IFIT5: variants seen among roughly 807,000 people sequenced by gnomAD.
IFIT5 encodes interferon induced protein with tetratricopeptide repeats 5.
IFIT5 carries 2 observed loss-of-function variants against 5.0 expected under a neutral mutation model. That is an observed-to-expected ratio of 0.40 (90% CI 0.16 to 1.26). The LOEUF (loss-of-function observed/expected upper bound fraction) is 1.26. Ranked by LOEUF, IFIT5 falls within the 50% of genes most tolerant of loss-of-function variation. The pLI, the probability that IFIT5 is intolerant of heterozygous loss-of-function variation, is 0.33. For missense variants in IFIT5, 524 were observed against 563.2 expected (o/e 0.93, Z 0.70); for synonymous variants, 206 against 204.6 (o/e 1.01, Z -0.06).
Position 89,417,802 on chromosome 10 carries a change from G to A in IFIT5, c.603G>A (p.Leu201=). 2 of 1,614,154 alleles carry A rather than the reference G, an allele frequency of 1.2e-6. No individual in the cohort carries two copies. The highest frequency in any genetic ancestry group is 1.7e-6 in the Non-Finnish European group (2 of 1,180,022). The part of the protein sequence containing the change: ...DREGSVKSFS[L]GPLRKAVTLN... ...AAGGGTCTGTAAAGAGCTTTTCTCT[G>A]GGGCCTTTGAGAAAGGCTGTTACCC... Residue 201 remains leucine (L), a synonymous_variant, in exon 2 of 2, where the codon CTG becomes CTA. Coordinates refer to ENST00000371795, the MANE Select transcript of IFIT5 (RefSeq NM_012420.3).
In IFIT5 at chr10:89,417,595, C is replaced by A. The variant is rs1476704185; in HGVS notation, c.396C>A (p.Asn132Lys). ...GTAAGAAATTGTCCAGTCCTTCTAA[C>A]TACAAGTTGGAGTGTCCTGAGACTG... ...NVCKKLSSPS[N>K]YKLECPETDC... is the part of the protein sequence containing the mutation. Residue 132 changes from asparagine to lysine, a missense_variant, in exon 2 of 2, where the codon AAC becomes AAA. Asn to Lys is a moderately conservative substitution (Grantham distance 94). Transcript: ENST00000371795. 1.9e-6 allele frequency: 3 copies of A among 1,614,208 alleles called. No homozygotes were observed. Among genetic ancestry groups the A allele is most frequent in the Non-Finnish European group, 1.7e-6 (2 of 1,180,034 alleles).
chr10:89,415,839 T>A (rs1306657647), intron 1 of IFIT5, among the ~76,000 whole-genome samples: 1 of 152,236 alleles, frequency 6.6e-6, no homozygotes, highest in Non-Finnish European at 1.5e-5. Flanking sequence ...TCCTATCAGT[T>A]GACTGCTTAG....
At position 89,417,409 on chromosome 10, in the gene IFIT5, C is replaced by T. The variant is rs764657487; in HGVS notation, c.210C>T (p.Ala70=). The stretch of plus-strand genomic sequence containing the variant: ...ACCTAAAAGGCCAAAATAAAGACGC[C>T]CTTGAGTGCTTGGAACAAGCAGAAG... ...VKHLKGQNKD[A]LECLEQAEEI... is the part of the protein sequence containing the mutation. The change falls in exon 2 of 2, where the codon GCC becomes GCT. Residue 70 remains alanine, a synonymous_variant. Transcript: ENST00000371795. 8 of 1,614,042 alleles carry T rather than the reference C, an allele frequency of 5.0e-6. No homozygotes were observed. The Admixed American group carries it at 1.3e-4, about 27-fold the overall frequency.
rs200412053 is a variant in IFIT5, at chr10:89,418,432, C to T, written c.1233C>T (p.Pro411=). 1.4e-5 allele frequency: 22 copies of T among 1,614,174 alleles called. No homozygotes were observed. The East Asian group carries it at 4.7e-4, about 34-fold the overall frequency. ...LEALKVKDRS[P]LRTKLTSALK... ...CCTTAAAGGTCAAAGACAGATCACC[C>T]CTTCGCACCAAACTGACAAGTGCTC... The change falls in exon 2 of 2, where the codon CCC becomes CCT. Residue 411 remains proline (P), a synonymous_variant. Transcript: ENST00000371795.
Position 89,418,653 on chromosome 10 carries a change from A to G in IFIT5, c.*5A>G, listed in dbSNP as rs1841569456. 1 of 1,595,428 alleles carries G rather than the reference A, an allele frequency of 6.3e-7. No homozygotes were observed. Among genetic ancestry groups the G allele is most frequent in the Admixed American group, 1.8e-5 (1 of 56,120 alleles). Reference sequence around the variant, plus strand: ...GAGCTCCGACTTTCCATTTAAATACATACTCTAGGAAATTAGCTCTAAGTT... The same window carrying G: ...GAGCTCCGACTTTCCATTTAAATACGTACTCTAGGAAATTAGCTCTAAGTT... On this transcript the variant is annotated 3_prime_UTR_variant, in exon 2 of 2. Transcript: ENST00000371795.
At chr10:89,416,447 G>T (rs1218529025) in intron 1 of IFIT5, among the ~76,000 whole-genome samples, 1 of 152,240 alleles carries the variant, frequency 6.6e-6, no homozygotes, top group African/African-American at 2.4e-5. Context: ...AAAGATACGT[G>T]TTACCTCTTC....
At position 89,418,131 on chromosome 10, in the gene IFIT5, A is replaced by T. The variant is rs1564817517; in HGVS notation, c.932A>T (p.Lys311Met). The T allele has an allele frequency of 1.2e-6, 2 of 1,614,240 alleles. No homozygotes were observed. The highest frequency in any genetic ancestry group is 1.7e-6 in the Non-Finnish European group (2 of 1,180,022). Residue 311 changes from lysine to methionine, a missense_variant, in exon 2 of 2, where the codon AAG (lysine) becomes ATG (methionine). Transcript: ENST00000371795. ...GCCACACACAACAGACCTAAAGGAA[A>T]GGATAAACTAAAGGTTGATGAGCTG... The part of the protein sequence containing the change: ...KKATHNRPKG[K>M]DKLKVDELIS...
In IFIT5 at chr10:89,414,582, C is replaced by T. The variant is rs953825302; in HGVS notation, c.-217C>T. 3.4e-5 allele frequency: 16 copies of T among 468,780 alleles called. No individual in the cohort carries two copies. Among genetic ancestry groups the T allele is most frequent in the Non-Finnish European group, 5.6e-5 (15 of 268,820 alleles). The allele number at this position is 468,780 out of a possible 1,614,324, so 29.0% of individuals were successfully genotyped here. A position where few individuals can be genotyped will look rare whatever the true frequency, so the allele number is the denominator to read the frequency against. ...TCTTAAGTTTCAGTTTCTGAGCGCT[C>T]GGCATCTGATTCAATCTCCAGTTTC... On this transcript the variant is annotated 5_prime_UTR_variant, in exon 1 of 2. Transcript: ENST00000371795.
At chr10:89,414,953 C>T (rs2133649912) in intron 1 of IFIT5, 150 bp downstream of exon 1, 1 of 1,076,538 alleles carries the variant, frequency 9.3e-7, no homozygotes, top group Non-Finnish European at 1.3e-6. Context: ...GTTGGGGACC[C>T]TCCCCGGGCG....
rs1246159923 is a variant in IFIT5 at position 89,420,703 on chromosome 10, C to T, written c.*2055C>T. On this transcript the variant is annotated 3_prime_UTR_variant, in exon 2 of 2. Transcript: ENST00000371795. ...CAAACTTGGCTACGTATTGGAATCA[C>T]CTAAAAAGTTAAAACAAAACATGGA... The T allele has an allele frequency of 6.6e-6, 1 of 152,094 alleles. No homozygotes were observed. The highest frequency in any genetic ancestry group is 1.5e-5 in the Non-Finnish European group (1 of 68,008). The allele number at this position is 152,094 out of a possible 1,614,324, so 9.4% of individuals were successfully genotyped here. A position where few individuals can be genotyped will look rare whatever the true frequency, so the allele number is the denominator to read the frequency against.
intron 1 of IFIT5, among the ~76,000 whole-genome samples, chr10:89,415,363 G>A (rs768165345): frequency 1.3e-5 from 2 of 152,178 alleles, no homozygotes; most frequent in Non-Finnish European, 2.9e-5. Flanking sequence ...CCATTCCCTC[G>A]GTGTGGCATA....
At position 89,414,569 on chromosome 10, in the gene IFIT5, G is replaced by C; in HGVS notation, c.-230G>C. ...TTTAGTTTCGATTTCTTAAGTTTCA[G>C]TTTCTGAGCGCTCGGCATCTGATTC... On this transcript the variant is annotated 5_prime_UTR_variant, in exon 1 of 2. Transcript: ENST00000371795. 2.2e-6 allele frequency: 1 copy of C among 462,216 alleles called. No homozygotes were observed. The highest frequency in any genetic ancestry group is 3.8e-6 in the Non-Finnish European group (1 of 264,314). 28.6% of individuals were successfully genotyped at this position (462,216 alleles called of 1,614,324 possible).
rs776597834 is a variant in IFIT5, at chr10:89,418,261, T to C, written c.1062T>C (p.Tyr354=). ...LANMYAEGGQ[Y]SNAEDIFRKA... ...ACATGTACGCTGAAGGAGGCCAGTA[T>C]AGCAATGCTGAGGACATTTTCCGGA... Residue 354 remains tyrosine (Y), a synonymous_variant, in exon 2 of 2, where the codon TAT becomes TAC. Coordinates refer to ENST00000371795, the MANE Select transcript of IFIT5 (RefSeq NM_012420.3). The C allele has an allele frequency of 6.2e-7, 1 of 1,614,212 alleles. No homozygotes were observed. The highest frequency in any genetic ancestry group is 1.1e-5 in the South Asian group (1 of 91,078).
Position 89,417,710 on chromosome 10 carries a change from C to G in IFIT5, c.511C>G (p.Pro171Ala). 4 of 1,614,090 alleles carry G rather than the reference C, an allele frequency of 2.5e-6. No homozygotes were observed. Among genetic ancestry groups the G allele is most frequent in the Admixed American group, 3.3e-5 (2 of 60,014 alleles). The change falls in exon 2 of 2, where the codon CCT becomes GCT. Residue 171 changes from proline to alanine, a missense_variant. Coordinates refer to ENST00000371795, the MANE Select transcript of IFIT5 (RefSeq NM_012420.3). ...TTTTGAGAAGGCTCTGGAAGTGGAG[C>G]CTGACAATCCAGAATTTAACATCGG... ...AAFEKALEVE[P>A]DNPEFNIGYA...
At position 89,414,743 on chromosome 10, in the gene IFIT5, G is replaced by C. The variant is rs1357932038; in HGVS notation, c.-56G>C. On this transcript the variant is annotated 5_prime_UTR_variant, in exon 1 of 2. Coordinates refer to ENST00000371795, the MANE Select transcript of IFIT5 (RefSeq NM_012420.3). ...GGCTTCCCGCGGTCCCCGGTGCTGAGGAGAGAGCGATCCGAGGGACTGCGC... is the reference window on the plus strand; with the variant it reads ...GGCTTCCCGCGGTCCCCGGTGCTGACGAGAGAGCGATCCGAGGGACTGCGC... 41 of 1,597,440 alleles carry C rather than the reference G, an allele frequency of 2.6e-5. No individual in the cohort carries two copies. The South Asian group carries it at 4.0e-4, about 16-fold the overall frequency.
chr10:89,414,915 C>A (rs1248960596), intron 1 of IFIT5, 112 bp downstream of exon 1: 3 of 1,381,258 alleles, frequency 2.2e-6, no homozygotes, highest in Non-Finnish European at 2.9e-6. Context: ...GGGGCCGAGC[C>A]CCTCGCGCCC....
Position 89,418,196 on chromosome 10 carries a change from C to A in IFIT5, c.997C>A (p.Arg333=). ...ATTTCATTTCAAAGCAGCCATGGAA[C>A]GAGACTCTATGTTTGCATTTGCCTA... ...AIFHFKAAME[R]DSMFAFAYTD... is the part of the protein sequence containing the mutation. Residue 333 remains arginine (R), a synonymous_variant, in exon 2 of 2, where the codon CGA becomes AGA. Transcript: ENST00000371795. The A allele has an allele frequency of 6.2e-7, 1 of 1,614,166 alleles. No individual in the cohort carries two copies. Among genetic ancestry groups the A allele is most frequent in the South Asian group, 1.1e-5 (1 of 91,082 alleles).
chr10:89,416,716 T>G (rs1188517808), intron 1 of IFIT5, among the ~76,000 whole-genome samples: 1 of 152,208 alleles, frequency 6.6e-6, no homozygotes, highest in Non-Finnish European at 1.5e-5. Flanking sequence ...GGCAGGGGGC[T>G]GGTAAAGCCA....
At position 89,414,815 on chromosome 10, in the gene IFIT5, C is replaced by T. The variant is rs1382303474; in HGVS notation, c.5+12C>T. The T allele has an allele frequency of 6.2e-7, 1 of 1,609,224 alleles. No individual in the cohort carries two copies. Among genetic ancestry groups the T allele is most frequent in the Non-Finnish European group, 8.5e-7 (1 of 1,178,132 alleles). ...GCTGCCATCATGAGGTAAGGGTTTT[C>T]CTTTGCCTCTCCTCCCAAGCCCTGC... On this transcript the variant is annotated intron_variant, in intron 1 of 1. Transcript: ENST00000371795.
Sources: gnomAD v4.1 joint callset for allele counts (sites outside exome capture counted in the v4.1 genomes callset) on GRCh38, gnomAD v4.1.1 for gene constraint, MANE v1.5 for transcripts, NCBI Gene and HGNC (gene_info 2026-07-23, HGNC 2026-07-21) for gene names.